Variants in SP100 observed in about 807,000 individuals in gnomAD.
The protein encoded by SP100 is SP100 nuclear body protein.
Under a neutral mutation model 130.0 loss-of-function variants are expected in SP100, and 84 were observed. The ratio of observed to expected loss-of-function variants is 0.65; its 90% CI spans 0.54 to 0.77. The LOEUF (loss-of-function observed/expected upper bound fraction) is 0.77, where lower values mean the gene tolerates loss of function less well. Among genes scored for constraint, SP100 ranks in the 30% least tolerant of loss-of-function variants. The pLI, the probability that SP100 is intolerant of heterozygous loss-of-function variation, is 0.00. For synonymous variants in SP100, 331 were observed against 351.7 expected (o/e 0.94, Z 0.66); for missense variants, 978 against 1,052.2 (o/e 0.93, Z 0.97).
At chr2:230,505,994 T>G (rs936937423) in intron 21 of SP100, among the ~76,000 whole-genome samples, 7 of 152,174 alleles carry the variant, frequency 4.6e-5, no homozygotes, top group African/African-American at 1.7e-4. Flanking sequence ...TTCTGCTCAT[T>G]CTTTAGGGCC....
At chr2:230,479,871 T>C (rs940182920) in intron 17 of SP100, among the ~76,000 whole-genome samples, 4 of 152,212 alleles carry the variant, frequency 2.6e-5, no homozygotes, top group Non-Finnish European at 4.4e-5. Flanking sequence ...GATAAGGCAG[T>C]GTGCTCAGAG....
At chr2:230,502,980 GA>G in intron 19 of SP100, 85 bp from the exon 20 acceptor site, 6 of 1,058,446 alleles carry the variant, frequency 5.7e-6, no homozygotes, top group Non-Finnish European at 8.5e-6. Flanking sequence ...ACAGGATCCT[GA>G]AAAGTTGCAT....
intron 9 of SP100, among the ~76,000 whole-genome samples, chr2:230,462,028 C>T (rs1046218349): frequency 1.3e-5 from 2 of 149,184 alleles, no homozygotes; most frequent in African/African-American, 4.9e-5. Context: ...AAAAAAAAAT[C>T]AGAGAGCCAA....
intron 24 of SP100, among the ~76,000 whole-genome samples, chr2:230,534,806 A>G (rs1397737015): frequency 6.6e-6 from 1 of 152,246 alleles, no homozygotes; most frequent in Non-Finnish European, 1.5e-5. Context: ...TGTCACAGAA[A>G]TAACCAAATT....
At position 230,487,100 on chromosome 2, in the gene SP100, A is replaced by G. The variant is rs112991599; in HGVS notation, c.1601-7316A>G. On this transcript the variant is annotated intron_variant, in intron 17 of 28. Coordinates refer to ENST00000340126, the MANE Select transcript of SP100 (RefSeq NM_001080391.2). The stretch of plus-strand genomic sequence containing the variant: ...TTTGTCAGATGGATAGATTGCAAAA[A>G]TTTTCTCACATTCTGTAGGTTGCCT... Among the ~76,000 whole-genome samples, 727 of 152,196 alleles carry G rather than the reference A, an allele frequency of 4.8e-3. 4 individuals carry two copies. Among genetic ancestry groups the G allele is most frequent in the African/African-American group, 0.017 (706 of 41,520 alleles).
chr2:230,529,513 C>T (rs1291244083), intron 24 of SP100, among the ~76,000 whole-genome samples: 11 of 152,066 alleles, frequency 7.2e-5, no homozygotes, highest in African/African-American at 1.4e-4. Context: ...CTTTGAAAAC[C>T]GGCACAAGAC....
intron 17 of SP100, among the ~76,000 whole-genome samples, chr2:230,485,331 A>G (rs1360570667): frequency 6.6e-6 from 1 of 151,972 alleles, no homozygotes; most frequent in East Asian, 1.9e-4. Flanking sequence ...TATTATTGTC[A>G]TTTGCTAAAT....
Position 230,464,095 on chromosome 2 carries a change from A to G in SP100, c.1086A>G (p.Ser362=). Residue 362 remains serine, a synonymous_variant, in exon 11 of 29, where the codon TCA becomes TCG. Transcript: ENST00000340126. The part of the protein sequence containing the change: ...PVINNDNPLE[S]NDEKEGQEAT... ...TCAATAATGACAACCCTTTAGAATC[A>G]AATGATGAAAAGGAGGGCCAAGAAG... 6.2e-7 allele frequency: 1 copy of G among 1,613,248 alleles called. No individual in the cohort carries two copies. The highest frequency in any genetic ancestry group is 1.7e-4 in the Middle Eastern group (1 of 6,056).
chr2:230,515,328 T>C (rs1448236091), intron 24 of SP100: 2 of 1,613,618 alleles, frequency 1.2e-6, no homozygotes, highest in East Asian at 2.2e-5. Flanking sequence ...CTTTGGCCTT[T>C]TTCCTGTTCT....
intron 17 of SP100, among the ~76,000 whole-genome samples, chr2:230,475,095 T>C (rs901848504): frequency 6.6e-6 from 1 of 152,094 alleles, no homozygotes; most frequent in Non-Finnish European, 1.5e-5. Flanking sequence ...TGTCTTTAAG[T>C]CTTTGAGGAA....
chr2:230,463,836 G>A (rs541670090), intron 10 of SP100: 19 of 327,154 alleles, frequency 5.8e-5, no homozygotes, highest in South Asian at 1.2e-4. Flanking sequence ...TAAAAGAAGC[G>A]TGGGAAAGCA....
At chr2:230,533,005 G>T (rs1044495082) in intron 24 of SP100, among the ~76,000 whole-genome samples, 1 of 151,968 alleles carries the variant, frequency 6.6e-6, no homozygotes, top group Non-Finnish European at 1.5e-5. Context: ...GGTGTCGAAC[G>T]CCTAACCTTA....
chr2:230,477,428 A>G (rs1040431975), intron 17 of SP100, among the ~76,000 whole-genome samples: 1 of 152,068 alleles, frequency 6.6e-6, no homozygotes, highest in African/African-American at 2.4e-5. Context: ...TATTTTAAAA[A>G]TATTGTTTTA....
chr2:230,472,004 A>G (rs1272105264), intron 15 of SP100, among the ~76,000 whole-genome samples: 2 of 152,218 alleles, frequency 1.3e-5, no homozygotes, highest in Non-Finnish European at 2.9e-5. Flanking sequence ...CAAAGGTAAT[A>G]GAGATGGCTA....
chr2:230,493,527 T>C (rs1371786653), intron 17 of SP100, among the ~76,000 whole-genome samples: 2 of 152,218 alleles, frequency 1.3e-5, no homozygotes, highest in African/African-American at 4.8e-5. Flanking sequence ...TATTTTCTAA[T>C]TTGTTTAATC....
chr2:230,475,256 A>G (rs1043929951), intron 17 of SP100, among the ~76,000 whole-genome samples: 1 of 152,128 alleles, frequency 6.6e-6, no homozygotes, highest in Non-Finnish European at 1.5e-5. Flanking sequence ...ATGGTATCTC[A>G]CTGTGATTCT....
chr2:230,464,853 G>A lies in SP100; in HGVS notation c.1141+703G>A, dbSNP rs563127057. On this transcript the variant is annotated intron_variant, in intron 11 of 28. Coordinates refer to ENST00000340126, the MANE Select transcript of SP100 (RefSeq NM_001080391.2). ...CACACCTATAATCCCAGCACTTTGG[G>A]AGGCTAAGGCAGGTAGGTGGCTTGA... is the stretch of plus-strand genomic sequence containing the variant. 4.1e-4 allele frequency among the ~76,000 whole-genome samples: 62 copies of A among 152,310 alleles called. 1 individual carries two copies. In the South Asian group the frequency reaches 0.012, roughly 31 times the overall value.
chr2:230,491,242 G>A (rs553932910), intron 17 of SP100, among the ~76,000 whole-genome samples: 1 of 152,326 alleles, frequency 6.6e-6, no homozygotes, highest in Non-Finnish European at 1.5e-5. Flanking sequence ...TGTCTGGGCT[G>A]CACGGATTCC....
At position 230,506,782 on chromosome 2, in the gene SP100, T is replaced by TACACACACACACACAC. The variant is rs57619257; in HGVS notation, c.2013+365_2013+380dup. 2.2e-5 allele frequency: 4 copies of TACACACACACACACAC among 181,402 alleles called. No homozygotes were observed. In the South Asian group the frequency reaches 3.3e-4, roughly 15 times the overall value. 11.2% of individuals were successfully genotyped at this position (181,402 alleles called of 1,614,324 possible). A position where few individuals can be genotyped will look rare whatever the true frequency, so the allele number is the denominator to read the frequency against. On this transcript the variant is annotated intron_variant, in intron 22 of 28. Coordinates refer to ENST00000340126, the MANE Select transcript of SP100 (RefSeq NM_001080391.2). ...ATTTTCGGGGGAGGTAAATGTTAAA[T>TACACACACACACACAC]ACACACACACACACACACACACACA...
Sources: allele counts gnomAD v4.1 joint callset (sites outside exome capture counted in the v4.1 genomes callset), GRCh38; gene constraint gnomAD v4.1.1; transcripts MANE v1.5; gene names NCBI Gene and HGNC (gene_info 2026-07-23, HGNC 2026-07-21).